Variants in LRIG3 observed in about 807,000 individuals in gnomAD.
LRIG3 encodes leucine rich repeats and immunoglobulin like domains 3, also known as leucine-rich repeats and immunoglobulin-like domains protein 3.
In LRIG3, 76 loss-of-function variants were observed where a neutral mutation model predicts 114.5. The observed-to-expected ratio is 0.66, with a 90% CI of 0.55 to 0.80. LRIG3 has a LOEUF of 0.80. Ranked by LOEUF, LRIG3 falls within the 30% of genes least tolerant of loss-of-function variation. LRIG3 has a pLI of 0.00. For missense variants in LRIG3, 1,239 were observed against 1,382.8 expected, an observed-to-expected ratio of 0.90 and a Z score of 1.65; for synonymous variants, 512 against 519.8, an observed-to-expected ratio of 0.98 and a Z score of 0.20.
At chr12:58,875,116 C>T (rs1450390703) in intron 16 of LRIG3, among the ~76,000 whole-genome samples, 7 of 152,138 alleles carry the variant, frequency 4.6e-5, no homozygotes, top group African/African-American at 1.7e-4. Context: ...AGGTGGTGGG[C>T]TGAGAGAAAA....
Position 58,905,594 on chromosome 12 carries a change from G to A in LRIG3, c.383+8388C>T, listed in dbSNP as rs780085528. Among the ~76,000 whole-genome samples the A allele has an allele frequency of 3.9e-5, 6 of 152,260 alleles. No individual in the cohort carries two copies. In the South Asian group the frequency reaches 8.3e-4, roughly 21 times the overall value. ...TTGAAATGTAATGTTCAATGTGGTC[G>A]TACCGATAGGCCCTTTAAGAGGTGA... On this transcript the variant is annotated intron_variant, in intron 3 of 18. Coordinates refer to ENST00000320743, the MANE Select transcript of LRIG3 (RefSeq NM_153377.5).
At chr12:58,892,804 G>A (rs1202765955) in intron 3 of LRIG3, among the ~76,000 whole-genome samples, 8 of 152,144 alleles carry the variant, frequency 5.3e-5, no homozygotes, top group Non-Finnish European at 8.8e-5. Context: ...ACAAGTTCAA[G>A]CATTCCCGAG....
chr12:58,910,694 A>G (rs1872244410), intron 3 of LRIG3, among the ~76,000 whole-genome samples: 1 of 152,224 alleles, frequency 6.6e-6, no homozygotes, highest in Non-Finnish European at 1.5e-5. Flanking sequence ...CAACTCTAGG[A>G]CACCAGGCAA....
chr12:58,887,261 T>C (rs774942535), intron 8 of LRIG3, among the ~76,000 whole-genome samples: 5 of 152,174 alleles, frequency 3.3e-5, no homozygotes, highest in Non-Finnish European at 7.4e-5. Flanking sequence ...TACGTAATGC[T>C]TCAAATAGCG....
chr12:58,894,999 A>G (rs1295699504), intron 3 of LRIG3, among the ~76,000 whole-genome samples: 3 of 152,170 alleles, frequency 2.0e-5, no homozygotes, highest in Admixed American at 2.0e-4. Context: ...CTTCTAAGAG[A>G]CCACTGGAAA....
At chr12:58,887,161 C>T (rs575343354) in intron 8 of LRIG3, 3 of 354,836 alleles carry the variant, frequency 8.5e-6, no homozygotes, top group Non-Finnish European at 1.0e-5. Flanking sequence ...CTGAATGATC[C>T]GAACAGTCTG....
At position 58,873,659 on chromosome 12, in the gene LRIG3, G is replaced by A. The variant is rs551784398; in HGVS notation, c.3115+396C>T. ...ATGTTGTTTTCCACCCTTCGACTGC[G>A]GGTTCAGTTGGAAGCCACCAGACAT... On this transcript the variant is annotated intron_variant, in intron 18 of 18. Transcript: ENST00000320743. 3.5e-4 allele frequency: 69 copies of A among 198,988 alleles called. 1 individual carries two copies. Among genetic ancestry groups the A allele is most frequent in the Admixed American group, 5.3e-4 (10 of 19,042 alleles). The allele number at this position is 198,988 out of a possible 1,614,324, so 12.3% of individuals were successfully genotyped here.
intron 3 of LRIG3, among the ~76,000 whole-genome samples, chr12:58,898,918 A>G (rs926522459): frequency 6.6e-6 from 1 of 152,130 alleles, no homozygotes; most frequent in African/African-American, 2.4e-5. Context: ...CAGCCTCCCA[A>G]AGTGCTGGGA....
chr12:58,885,783 A>C, intron 10 of LRIG3, 48 bp downstream of exon 10: 1 of 1,327,278 alleles, frequency 7.5e-7, no homozygotes, highest in South Asian at 1.4e-5. Context: ...ATAAGTAAAA[A>C]CCATCTTAGA....
chr12:58,890,906 C>T, intron 3 of LRIG3, 110 bp from the exon 4 acceptor site: 1 of 961,632 alleles, frequency 1.0e-6, no homozygotes. Context: ...ACTGACTAAT[C>T]TGAACAGTAC....
intron 11 of LRIG3, 31 bp from the exon 12 acceptor site, chr12:58,883,063 T>C (rs1374285723): frequency 6.4e-7 from 1 of 1,562,522 alleles, no homozygotes; most frequent in African/African-American, 1.4e-5. Context: ...CAATTTGTTC[T>C]GTATGAAATG....
chr12:58,878,946 A>G lies in LRIG3; in HGVS notation c.1961T>C (p.Val654Ala). ...FPAARERRMHVMPEDDVFFIV... is the reference protein window; with the variant it reads ...FPAARERRMHAMPEDDVFFIV... ...AAAGAACACGTCATCCTCGGGCATCACATGCATGCGTCTCTCCCGTGCAGC... is the reference window on the plus strand; with the variant it reads ...AAAGAACACGTCATCCTCGGGCATCGCATGCATGCGTCTCTCCCGTGCAGC... Residue 654 changes from valine to alanine, a missense_variant, in exon 14 of 19, where the codon GTG becomes GCG. Transcript: ENST00000320743. The G allele has an allele frequency of 6.2e-7, 1 of 1,614,130 alleles. No homozygotes were observed. The highest frequency in any genetic ancestry group is 8.5e-7 in the Non-Finnish European group (1 of 1,179,974).
In LRIG3 at chr12:58,899,412, T is replaced by C. The variant is rs546220025; in HGVS notation, c.384-8616A>G. The stretch of plus-strand genomic sequence containing the variant: ...AGTTCATCTTCCGATTTTCTTATTT[T>C]TTCCTCCCATGACTTCCATACCTTT... On this transcript the variant is annotated intron_variant, in intron 3 of 18. Transcript: ENST00000320743. Among the ~76,000 whole-genome samples the C allele has an allele frequency of 1.6e-4, 25 of 152,324 alleles. No individual in the cohort carries two copies. The South Asian group carries it at 5.2e-3, about 32-fold the overall frequency.
intron 13 of LRIG3, among the ~76,000 whole-genome samples, chr12:58,879,625 G>A (rs1173826263): frequency 1.3e-5 from 2 of 152,056 alleles, no homozygotes; most frequent in African/African-American, 2.4e-5. Context: ...CTTCTACCAC[G>A]GCAGATACAG....
intron 16 of LRIG3, 115 bp from the exon 17 acceptor site, chr12:58,874,688 G>T: frequency 7.1e-7 from 1 of 1,409,626 alleles, no homozygotes. Flanking sequence ...ACATCATATA[G>T]ACAAAAAAAT....
At position 58,876,623 on chromosome 12, in the gene LRIG3, T is replaced by A; in HGVS notation, c.2537-20A>T. ...TCTCATCTGTAATAAAACAGCAGCA[T>A]TTTATTAACCAAGGATGATCGTTAA... On this transcript the variant is annotated intron_variant, in intron 15 of 18. Transcript: ENST00000320743. 2 of 1,613,570 alleles carry A rather than the reference T, an allele frequency of 1.2e-6. No individual in the cohort carries two copies. Among genetic ancestry groups the A allele is most frequent in the Non-Finnish European group, 1.7e-6 (2 of 1,179,686 alleles).
chr12:58,920,275 C>G lies in LRIG3; in HGVS notation c.-40G>C. The G allele has an allele frequency of 1.5e-6, 2 of 1,298,006 alleles. No individual in the cohort carries two copies. The highest frequency in any genetic ancestry group is 9.8e-7 in the Non-Finnish European group (1 of 1,023,516). The allele number at this position is 1,298,006 out of a possible 1,614,324, so 80.4% of individuals were successfully genotyped here. Reference sequence around the variant, plus strand: ...CTAGGTCTCTACCCGAAGCTCCCAGCCGGCGCGCGCTCGGGGCCCGGCACA... The same window carrying G: ...CTAGGTCTCTACCCGAAGCTCCCAGGCGGCGCGCGCTCGGGGCCCGGCACA... On this transcript the variant is annotated 5_prime_UTR_variant, in exon 1 of 19. Transcript: ENST00000320743.
In LRIG3 at chr12:58,920,210, C is replaced by A; in HGVS notation, c.26G>T (p.Arg9Leu). ...CAGCAGCAGCCCCAACCCCGCGGCGCGCGCACGGAGGCTCGGCGCGCTCAT... is the reference window on the plus strand; with the variant it reads ...CAGCAGCAGCCCCAACCCCGCGGCGAGCGCACGGAGGCTCGGCGCGCTCAT... The part of the protein sequence containing the change: MSAPSLRA[R>L]AAGLGLLLCA... Residue 9 changes from arginine to leucine, a missense_variant, in exon 1 of 19, where the codon CGC becomes CTC. Physicochemically the swap from Arg to Leu is moderately radical, Grantham distance 102 (BLOSUM62 -2). Coordinates refer to ENST00000320743, the MANE Select transcript of LRIG3 (RefSeq NM_153377.5). 7.1e-7 allele frequency: 1 copy of A among 1,402,658 alleles called. No homozygotes were observed. The highest frequency in any genetic ancestry group is 2.9e-5 in the East Asian group (1 of 34,186). 86.9% of individuals were successfully genotyped at this position (1,402,658 alleles called of 1,614,324 possible).
intron 3 of LRIG3, among the ~76,000 whole-genome samples, chr12:58,896,797 G>C (rs968786344): frequency 1.3e-5 from 2 of 152,100 alleles, no homozygotes; most frequent in African/African-American, 4.8e-5. Flanking sequence ...AACAACCATC[G>C]AGCAAGCAGA....
Sources: allele counts gnomAD v4.1 joint callset (sites outside exome capture counted in the v4.1 genomes callset), GRCh38; gene constraint gnomAD v4.1.1; transcripts MANE v1.5; gene names NCBI Gene and HGNC (gene_info 2026-07-23, HGNC 2026-07-21).